The following EPHA3 variants were observed in gnomAD, a reference collection of about 807,000 sequenced individuals.
EPHA3 encodes the protein EPH receptor A3, also known as ephrin type-A receptor 3.
A neutral mutation model predicts 107.1 loss-of-function variants in EPHA3; 42 were observed. That is an observed-to-expected ratio of 0.39 (90% CI 0.31 to 0.51). EPHA3 has a LOEUF of 0.51. Among genes scored for constraint, EPHA3 ranks in the 20% least tolerant of loss-of-function variants. The pLI, the probability that EPHA3 is intolerant of heterozygous loss-of-function variation, is 0.78. For missense variants in EPHA3, 1,183 were observed against 1,211.2 expected, an observed-to-expected ratio of 0.98 and a Z score of 0.35; for synonymous variants, 461 against 424.8, an observed-to-expected ratio of 1.09 and a Z score of -1.05.
At chr3:89,290,884 G>A (rs1451899298) in intron 3 of EPHA3, among the ~76,000 whole-genome samples, 1 of 152,080 alleles carries the variant, frequency 6.6e-6, no homozygotes, top group Non-Finnish European at 1.5e-5. Context: ...TAGATGTAAG[G>A]TTATTAATAT....
At chr3:89,405,486 G>T (rs1274312772) in intron 7 of EPHA3, among the ~76,000 whole-genome samples, 1 of 152,084 alleles carries the variant, frequency 6.6e-6, no homozygotes, top group African/African-American at 2.4e-5. Flanking sequence ...AAGAGTAAAG[G>T]GCTTACAACA....
At chr3:89,190,594 T>G (rs2107139505) in intron 2 of EPHA3, among the ~76,000 whole-genome samples, 1 of 152,302 alleles carries the variant, frequency 6.6e-6, no homozygotes, top group South Asian at 2.1e-4. Flanking sequence ...ACACGATTGC[T>G]TCCTCTGATA....
At chr3:89,174,550 TGCAGAGA>T (rs1705279015) in intron 2 of EPHA3, among the ~76,000 whole-genome samples, 1 of 151,934 alleles carries the variant, frequency 6.6e-6, no homozygotes, top group African/African-American at 2.4e-5. Flanking sequence ...AAAGATTGAT[TGCAGAGA>T]GTATATTTAC....
At chr3:89,288,629 T>A (rs1294629102) in intron 3 of EPHA3, among the ~76,000 whole-genome samples, 2 of 152,130 alleles carry the variant, frequency 1.3e-5, no homozygotes, top group African/African-American at 4.8e-5. Flanking sequence ...TGTTCTCAGA[T>A]GAAAAATCCA....
chr3:89,416,438 A>G (rs1436136409), intron 10 of EPHA3, among the ~76,000 whole-genome samples: 3 of 151,438 alleles, frequency 2.0e-5, no homozygotes, highest in African/African-American at 7.2e-5. Flanking sequence ...AACTTTTACA[A>G]TACAGTTCTT....
At chr3:89,396,520 A>G (rs1258068316) in intron 6 of EPHA3, among the ~76,000 whole-genome samples, 1 of 152,222 alleles carries the variant, frequency 6.6e-6, no homozygotes, top group African/African-American at 2.4e-5. Flanking sequence ...TATTAAAAAA[A>G]ATAGGCACAT....
intron 3 of EPHA3, among the ~76,000 whole-genome samples, chr3:89,283,776 G>C (rs1706005630): frequency 6.6e-6 from 1 of 152,132 alleles, no homozygotes; most frequent in Non-Finnish European, 1.5e-5. Flanking sequence ...TCACTTTGCT[G>C]TTTGTGTAAA....
chr3:89,453,277 T>C (rs950080672), intron 15 of EPHA3, among the ~76,000 whole-genome samples: 13 of 152,234 alleles, frequency 8.5e-5, no homozygotes, highest in South Asian at 2.1e-4. Flanking sequence ...ACTCATGTAA[T>C]GTAATGTAAT....
intron 3 of EPHA3, among the ~76,000 whole-genome samples, chr3:89,330,330 T>C (rs1707257935): frequency 1.3e-5 from 2 of 152,196 alleles, no homozygotes; most frequent in Non-Finnish European, 2.9e-5. Context: ...AAAGCAAATA[T>C]TGAATACTTT....
chr3:89,125,195 A>G (rs1016305594), intron 1 of EPHA3, among the ~76,000 whole-genome samples: 7 of 151,870 alleles, frequency 4.6e-5, no homozygotes, highest in Admixed American at 4.6e-4. Flanking sequence ...CCTGAACACA[A>G]TGATACATTA....
rs114823503 is a variant in EPHA3 at position 89,436,100 on chromosome 3, G to A, written c.2346+4741G>A. On this transcript the variant is annotated intron_variant, in intron 13 of 16. Coordinates refer to ENST00000336596, the MANE Select transcript of EPHA3 (RefSeq NM_005233.6). ...AAGCTGCAGTGAGCTAAAGCCTGGGGATGGAGCAGGACCCTTTTTCAAAAA... is the reference window on the plus strand; with the variant it reads ...AAGCTGCAGTGAGCTAAAGCCTGGGAATGGAGCAGGACCCTTTTTCAAAAA... Among the ~76,000 whole-genome samples the A allele has an allele frequency of 9.7e-3, 1,471 of 151,788 alleles. 27 individuals are homozygous for A. The highest frequency in any genetic ancestry group is 0.034 in the African/African-American group (1,408 of 41,430).
chr3:89,117,907 A>T (rs946863351), intron 1 of EPHA3, among the ~76,000 whole-genome samples: 1 of 152,046 alleles, frequency 6.6e-6, no homozygotes, highest in Non-Finnish European at 1.5e-5. Context: ...ATCATGGTAG[A>T]TTTTGCTTTT....
At chr3:89,323,679 G>GTA (rs1707095665) in intron 3 of EPHA3, among the ~76,000 whole-genome samples, 1 of 152,018 alleles carries the variant, frequency 6.6e-6, no homozygotes, top group Non-Finnish European at 1.5e-5. Context: ...ATCAAAACCA[G>GTA]TATTCTGGTT....
intron 6 of EPHA3, among the ~76,000 whole-genome samples, chr3:89,397,630 C>T (rs1176870140): frequency 7.0e-6 from 1 of 143,838 alleles, no homozygotes; most frequent in Non-Finnish European, 1.5e-5. Flanking sequence ...GTTGCCCAGG[C>T]TGGAGTGCAA....
chr3:89,272,665 A>T (rs1705702595), intron 3 of EPHA3, among the ~76,000 whole-genome samples: 1 of 151,768 alleles, frequency 6.6e-6, no homozygotes, highest in Non-Finnish European at 1.5e-5. Flanking sequence ...CCTCAAATTC[A>T]CTTCTGTCTG....
chr3:89,249,650 G>A (rs1435997265), intron 3 of EPHA3, among the ~76,000 whole-genome samples: 6 of 151,808 alleles, frequency 4.0e-5, no homozygotes, highest in African/African-American at 1.5e-4. Context: ...TTGTAGAGAC[G>A]AGGTTTCACC....
chr3:89,219,338 T>C (rs1387418940), intron 3 of EPHA3, among the ~76,000 whole-genome samples: 1 of 151,914 alleles, frequency 6.6e-6, no homozygotes, highest in African/African-American at 2.4e-5. Flanking sequence ...TAATTTTGTG[T>C]TTTTAGTAGA....
intron 3 of EPHA3, among the ~76,000 whole-genome samples, chr3:89,297,131 T>C (rs1328048929): frequency 6.6e-6 from 1 of 152,176 alleles, no homozygotes; most frequent in Non-Finnish European, 1.5e-5. Context: ...AATAAGGTTG[T>C]TTTATTTTTC....
chr3:89,256,883 C>T (rs1255615271), intron 3 of EPHA3, among the ~76,000 whole-genome samples: 10 of 152,140 alleles, frequency 6.6e-5, no homozygotes, highest in Non-Finnish European at 1.5e-5. Context: ...AATCTTAATA[C>T]ATATGAGCAC....
Sources: gnomAD v4.1 joint callset for allele counts (sites outside exome capture counted in the v4.1 genomes callset) on GRCh38, gnomAD v4.1.1 for gene constraint, MANE v1.5 for transcripts, NCBI Gene and HGNC (gene_info 2026-07-23, HGNC 2026-07-21) for gene names.